The following TRHDE variants were observed in gnomAD, a reference collection of about 807,000 sequenced individuals.
TRHDE encodes the protein thyrotropin-releasing hormone-degrading ectoenzyme.
A neutral mutation model predicts 125.7 loss-of-function variants in TRHDE; 72 were observed. That is an observed-to-expected ratio of 0.57 (90% confidence interval 0.47 to 0.70). The LOEUF is 0.70. Among genes scored for constraint, TRHDE ranks in the 30% least tolerant of loss-of-function variants. TRHDE has a pLI of 0.00. For synonymous variants in TRHDE, 509 were observed against 509.1 expected (o/e 1.00, Z 0.00); for missense variants, 1,110 against 1,327.1 (o/e 0.84, Z 2.54).
chr12:72,144,082 G>A (rs572820242), intron 2 of TRHDE, among the ~76,000 whole-genome samples: 10 of 152,296 alleles, frequency 6.6e-5, no homozygotes, highest in African/African-American at 1.4e-4. Flanking sequence ...ACTAGCAACT[G>A]TTCACCTATG....
chr12:72,381,391 G>A (rs1872168781), intron 3 of TRHDE, among the ~76,000 whole-genome samples: 1 of 150,520 alleles, frequency 6.6e-6, no homozygotes, highest in Non-Finnish European at 1.5e-5. Context: ...AAGTAGATAC[G>A]AAAGTTTTTT....
intron 2 of TRHDE, among the ~76,000 whole-genome samples, chr12:72,298,071 T>G (rs1012658679): frequency 6.6e-6 from 1 of 152,222 alleles, no homozygotes; most frequent in South Asian, 2.1e-4. Context: ...GGTTTTGTTA[T>G]ATAATCTACA....
At chr12:72,353,218 G>A (rs1870665674) in intron 2 of TRHDE, among the ~76,000 whole-genome samples, 1 of 151,698 alleles carries the variant, frequency 6.6e-6, no homozygotes, top group Non-Finnish European at 1.5e-5. Flanking sequence ...TGAGCAGAAA[G>A]AGCAAACAGT....
chr12:72,460,558 A>T (rs1319668642), intron 3 of TRHDE, among the ~76,000 whole-genome samples: 2 of 152,232 alleles, frequency 1.3e-5, no homozygotes, highest in Non-Finnish European at 1.5e-5. Context: ...TTAGGTAATG[A>T]GCAAGTATTT....
chr12:72,432,285 A>G (rs1218269469), intron 3 of TRHDE, among the ~76,000 whole-genome samples: 1 of 152,152 alleles, frequency 6.6e-6, no homozygotes, highest in Admixed American at 6.5e-5. Context: ...CAGCCCCAAG[A>G]AGCTGGAGCT....
intron 2 of TRHDE, among the ~76,000 whole-genome samples, chr12:72,151,877 A>G (rs1388480498): frequency 6.6e-6 from 1 of 152,058 alleles, no homozygotes; most frequent in Admixed American, 6.6e-5. Flanking sequence ...TTGGCAATGC[A>G]GGCTCTTTTT....
intron 7 of TRHDE, among the ~76,000 whole-genome samples, chr12:72,553,169 T>C (rs1443097442): frequency 1.3e-5 from 2 of 152,294 alleles, no homozygotes; most frequent in East Asian, 3.9e-4. Context: ...TGAGTTTCTA[T>C]TTGTATTTGG....
At chr12:72,644,895 C>T (rs1210716192) in intron 15 of TRHDE, among the ~76,000 whole-genome samples, 1 of 152,062 alleles carries the variant, frequency 6.6e-6, no homozygotes, top group Non-Finnish European at 1.5e-5. Context: ...TAAGACACTG[C>T]AGCTTCTCCC....
intron 10 of TRHDE, among the ~76,000 whole-genome samples, chr12:72,571,845 TG>T (rs1239815600): frequency 4.6e-5 from 7 of 152,150 alleles, no homozygotes; most frequent in African/African-American, 1.7e-4. Flanking sequence ...TGCATTATTT[TG>T]TCCCCATTTT....
In TRHDE at chr12:72,666,572, T is replaced by A. The variant is rs1031724840; in HGVS notation, c.*3377T>A. Reference sequence around the variant, plus strand: ...CTAAAAAAATAAAATAAAATCACAATGTTTGTTGTTATTTTGGGAACCAAT... The same window carrying A: ...CTAAAAAAATAAAATAAAATCACAAAGTTTGTTGTTATTTTGGGAACCAAT... On this transcript the variant is annotated 3_prime_UTR_variant, in exon 19 of 19. Transcript: ENST00000261180. 12 of 152,068 alleles carry A rather than the reference T, an allele frequency of 7.9e-5. No homozygotes were observed. Among genetic ancestry groups the A allele is most frequent in the African/African-American group, 2.9e-4 (12 of 41,520 alleles). 9.4% of individuals were successfully genotyped at this position (152,068 alleles called of 1,614,324 possible). A position where few individuals can be genotyped will look rare whatever the true frequency, so the allele number is the denominator to read the frequency against.
At chr12:72,373,168 C>T (rs1370519927) in intron 2 of TRHDE, among the ~76,000 whole-genome samples, 1 of 152,138 alleles carries the variant, frequency 6.6e-6, no homozygotes, top group Non-Finnish European at 1.5e-5. Flanking sequence ...AATGGGAGTT[C>T]ACTCATGATT....
chr12:72,161,431 CA>C (rs36001406), intron 2 of TRHDE, among the ~76,000 whole-genome samples: 2,418 of 75,460 alleles, frequency 0.032, 25 homozygotes, highest in East Asian at 0.067. Context: ...GACTCCGTCT[CA>C]AAAAAAAAAA....
intron 3 of TRHDE, among the ~76,000 whole-genome samples, chr12:72,451,201 A>G (rs1182359887): frequency 6.6e-6 from 1 of 152,072 alleles, no homozygotes; most frequent in East Asian, 1.9e-4. Flanking sequence ...TTATTGCCCA[A>G]AGCAGTACCA....
chr12:72,347,090 C>T (rs1310335230), intron 2 of TRHDE, among the ~76,000 whole-genome samples: 1 of 152,090 alleles, frequency 6.6e-6, no homozygotes. Flanking sequence ...ATGACCTCAT[C>T]TTAATTAATT....
intron 6 of TRHDE, among the ~76,000 whole-genome samples, chr12:72,516,374 C>G (rs1012233974): frequency 7.9e-5 from 12 of 151,990 alleles, no homozygotes; most frequent in African/African-American, 1.9e-4. Context: ...CTTGTAAGTT[C>G]AATTCCTAGG....
intron 12 of TRHDE, among the ~76,000 whole-genome samples, chr12:72,588,192 T>C (rs535390409): frequency 1.3e-5 from 2 of 152,364 alleles, no homozygotes; most frequent in South Asian, 4.1e-4. Flanking sequence ...TGGCAAATTC[T>C]GTAATACAAA....
intron 2 of TRHDE, among the ~76,000 whole-genome samples, chr12:72,331,794 A>T (rs1283487125): frequency 6.6e-6 from 1 of 152,188 alleles, no homozygotes; most frequent in African/African-American, 2.4e-5. Flanking sequence ...TTACATATGG[A>T]TCAGTTTGAA....
chr12:72,136,953 T>C (rs1875999885), intron 2 of TRHDE, among the ~76,000 whole-genome samples: 1 of 152,178 alleles, frequency 6.6e-6, no homozygotes, highest in Non-Finnish European at 1.5e-5. Flanking sequence ...AGTGTGTACT[T>C]TGGTCTCTGC....
chr12:72,651,094 CAA>C (rs1235786551), intron 15 of TRHDE, among the ~76,000 whole-genome samples: 3 of 152,054 alleles, frequency 2.0e-5, no homozygotes, highest in African/African-American at 7.2e-5. Context: ...ACAAATCAAA[CAA>C]AATGTTTTCT....
Sources: allele counts gnomAD v4.1 joint callset (sites outside exome capture counted in the v4.1 genomes callset), GRCh38; gene constraint gnomAD v4.1.1; transcripts MANE v1.5; gene names NCBI Gene and HGNC (gene_info 2026-07-23, HGNC 2026-07-21).